The following CNDP1 variants were observed in gnomAD, a reference collection of about 807,000 sequenced individuals.
CNDP1 encodes carnosine dipeptidase 1, also known as beta-Ala-His dipeptidase.
In CNDP1, 44 loss-of-function variants were observed where a neutral mutation model predicts 58.1. That is an observed-to-expected ratio of 0.76 (90% CI 0.60 to 0.97). The LOEUF is 0.97. Among genes scored for constraint, CNDP1 ranks in the 50% least tolerant of loss-of-function variants. The pLI, the probability that CNDP1 is intolerant of heterozygous loss-of-function variation, is 0.00. For synonymous variants in CNDP1, 254 were observed against 252.6 expected, an observed-to-expected ratio of 1.01 and a Z score of -0.05; for missense variants, 616 against 655.1, an observed-to-expected ratio of 0.94 and a Z score of 0.65.
intron 1 of CNDP1, among the ~76,000 whole-genome samples, chr18:74,553,291 A>G (rs1263735171): frequency 6.6e-6 from 1 of 152,064 alleles, no homozygotes; most frequent in African/African-American, 2.4e-5. Context: ...ATGAAGTCCA[A>G]TTTATCGATC....
chr18:74,544,717 CAAA>C (rs10562152), intron 1 of CNDP1, among the ~76,000 whole-genome samples: 27 of 63,874 alleles, frequency 4.2e-4, no homozygotes, highest in South Asian at 6.4e-4. Context: ...GGTTCTGTCT[CAAA>C]AAAAAAAAAA....
chr18:74,579,989 G>T, intron 9 of CNDP1, 141 bp from the exon 10 acceptor site: 4 of 707,346 alleles, frequency 5.7e-6, no homozygotes, highest in Non-Finnish European at 9.5e-6. Flanking sequence ...CAACACTTGC[G>T]TGTGTCAGGC....
At position 74,585,268 on chromosome 18, in the gene CNDP1, CCTT is replaced by C. The variant is rs1017910902; in HGVS notation, c.*711_*713del. Reference sequence around the variant, plus strand: ...CTTGTCAGCTTCTCTGCCTCCCGTTCCTTCTTCCTGTCCCATCAGAAAAGGCCC... The same window carrying C: ...CTTGTCAGCTTCTCTGCCTCCCGTTCCTTCCTGTCCCATCAGAAAAGGCCC... On this transcript the variant is annotated 3_prime_UTR_variant, in exon 12 of 12. Transcript: ENST00000358821. The C allele has an allele frequency of 1.3e-5, 2 of 152,224 alleles. No homozygotes were observed. The highest frequency in any genetic ancestry group is 2.9e-5 in the Non-Finnish European group (2 of 68,056). The allele number at this position is 152,224 out of a possible 1,614,324, so 9.4% of individuals were successfully genotyped here. A position where few individuals can be genotyped will look rare whatever the true frequency, so the allele number is the denominator to read the frequency against.
At chr18:74,583,758 A>G in intron 11 of CNDP1, 50 bp downstream of exon 11, 1 of 1,582,258 alleles carries the variant, frequency 6.3e-7, no homozygotes, top group Non-Finnish European at 8.6e-7. Context: ...TTTACTGCAC[A>G]CACCCGGGTC....
chr18:74,580,363 C>A, intron 10 of CNDP1, 92 bp downstream of exon 10: 1 of 1,302,518 alleles, frequency 7.7e-7, no homozygotes. Flanking sequence ...ACTTTTAAAA[C>A]TCAGAAATCA....
chr18:74,548,376 T>G (rs914321485), intron 1 of CNDP1, among the ~76,000 whole-genome samples: 25 of 152,278 alleles, frequency 1.6e-4, no homozygotes, highest in African/African-American at 5.5e-4. Context: ...CTTGCTCACA[T>G]TCTTGCCATG....
chr18:74,559,481 C>T lies in CNDP1; in HGVS notation c.303+9C>T, dbSNP rs746871286. On this transcript the variant is annotated intron_variant, in intron 3 of 11. Transcript: ENST00000358821. ...ACATGGGTCCTCAGCAGGTGCTGTA[C>T]GATTCCCTCCCACTGAGGGAGGTGC... 2.8e-5 allele frequency: 44 copies of T among 1,596,496 alleles called. No individual in the cohort carries two copies. Among genetic ancestry groups the T allele is most frequent in the East Asian group, 1.3e-4 (6 of 44,742 alleles).
chr18:74,579,579 C>T (rs986882046), intron 9 of CNDP1, among the ~76,000 whole-genome samples: 4 of 152,112 alleles, frequency 2.6e-5, no homozygotes, highest in Admixed American at 6.5e-5. Context: ...TATGGCACCT[C>T]CCCGGGAGAC....
intron 1 of CNDP1, among the ~76,000 whole-genome samples, chr18:74,538,165 T>C (rs1401950975): frequency 6.6e-6 from 1 of 152,202 alleles, no homozygotes; most frequent in Non-Finnish European, 1.5e-5. Flanking sequence ...AAGAAACCCA[T>C]ACCCTTTAGC....
Position 74,554,775 on chromosome 18 carries a change from G to A in CNDP1, c.25-1563G>A, listed in dbSNP as rs570178620. Among the ~76,000 whole-genome samples, 32 of 152,280 alleles carry A rather than the reference G, an allele frequency of 2.1e-4. No individual in the cohort carries two copies. In the South Asian group the frequency reaches 2.7e-3, roughly 13 times the overall value. The stretch of plus-strand genomic sequence containing the variant: ...TACCCCAAGGGCAATGGGACCTCTT[G>A]GAAGAGTTAAAACAGGGAGTCTTGC... On this transcript the variant is annotated intron_variant, in intron 1 of 11. Transcript: ENST00000358821.
intron 2 of CNDP1, 34 bp downstream of exon 2, chr18:74,556,500 A>C: frequency 1.2e-6 from 2 of 1,611,972 alleles, no homozygotes; most frequent in Non-Finnish European, 1.7e-6. Flanking sequence ...TACACACAGA[A>C]TGCTTGGATT....
chr18:74,571,564 C>G (rs1020568553), intron 7 of CNDP1, among the ~76,000 whole-genome samples: 1 of 152,188 alleles, frequency 6.6e-6, no homozygotes, highest in Non-Finnish European at 1.5e-5. Context: ...AAAAGACTGA[C>G]AGGCCACCCT....
At chr18:74,538,702 A>T (rs1568289586) in intron 1 of CNDP1, among the ~76,000 whole-genome samples, 2 of 152,166 alleles carry the variant, frequency 1.3e-5, no homozygotes, top group Non-Finnish European at 2.9e-5. Context: ...AACACTTGTT[A>T]TCTGACTTTG....
intron 1 of CNDP1, among the ~76,000 whole-genome samples, chr18:74,551,682 C>T (rs1017888311): frequency 3.3e-5 from 5 of 152,166 alleles, no homozygotes; most frequent in African/African-American, 4.8e-5. Flanking sequence ...GGCTAAGCTG[C>T]TCTCCCCAGG....
At position 74,578,355 on chromosome 18, in the gene CNDP1, A is replaced by G. The variant is rs556094004; in HGVS notation, c.1167+28A>G. 2.8e-5 allele frequency: 44 copies of G among 1,581,334 alleles called. 1 individual carries two copies. The South Asian group carries it at 5.0e-4, about 18-fold the overall frequency. Reference sequence around the variant, plus strand: ...AACAAATGCTTATTGTGACAATAACATGTTTCAGTAACATGGTTTCTGAAT... The same window carrying G: ...AACAAATGCTTATTGTGACAATAACGTGTTTCAGTAACATGGTTTCTGAAT... On this transcript the variant is annotated intron_variant, in intron 9 of 11. Coordinates refer to ENST00000358821, the MANE Select transcript of CNDP1 (RefSeq NM_032649.6).
intron 6 of CNDP1, among the ~76,000 whole-genome samples, chr18:74,569,177 C>G (rs768157080): frequency 2.6e-4 from 39 of 152,050 alleles, no homozygotes; most frequent in Non-Finnish European, 1.2e-4. Context: ...CGTCCACACT[C>G]CAGAGTAATT....
intron 1 of CNDP1, among the ~76,000 whole-genome samples, chr18:74,547,835 C>G (rs953083286): frequency 6.6e-6 from 1 of 152,210 alleles, no homozygotes; most frequent in African/African-American, 2.4e-5. Context: ...GGATGTAAAC[C>G]TCCCGCTAAG....
intron 7 of CNDP1, among the ~76,000 whole-genome samples, chr18:74,573,110 T>C (rs1416242823): frequency 6.6e-6 from 1 of 152,114 alleles, no homozygotes; most frequent in Non-Finnish European, 1.5e-5. Context: ...CCATCTATCT[T>C]TCTATTCATC....
intron 5 of CNDP1, among the ~76,000 whole-genome samples, chr18:74,565,857 G>C (rs1220765955): frequency 6.6e-6 from 1 of 152,246 alleles, no homozygotes; most frequent in East Asian, 1.9e-4. Flanking sequence ...GACTTCATGT[G>C]GGGGTTCCAA....
Sources: gnomAD v4.1 joint callset for allele counts (sites outside exome capture counted in the v4.1 genomes callset) on GRCh38, gnomAD v4.1.1 for gene constraint, MANE v1.5 for transcripts, NCBI Gene and HGNC (gene_info 2026-07-23, HGNC 2026-07-21) for gene names.